The following FGF14 variants were observed in gnomAD, a reference collection of about 807,000 sequenced individuals.
The protein encoded by FGF14 is fibroblast growth factor homologous factor 4.
In FGF14, 5 loss-of-function variants were observed where a neutral mutation model predicts 25.5. The observed-to-expected ratio is 0.20, with a 90% confidence interval of 0.10 to 0.41. The LOEUF is 0.41. Among genes scored for constraint, FGF14 ranks in the 10% least tolerant of loss-of-function variants. The probability of loss-of-function intolerance (pLI) is 1.00; values close to 1 mark genes in which losing one functional copy is unlikely to be tolerated. For synonymous variants in FGF14, 138 were observed against 118.3 expected, an observed-to-expected ratio of 1.17 and a Z score of -1.08; for missense variants, 222 against 320.1, an observed-to-expected ratio of 0.69 and a Z score of 2.34.
chr13:102,353,884 T>A (rs910888482), intron 1 of FGF14, among the ~76,000 whole-genome samples: 4 of 152,222 alleles, frequency 2.6e-5, no homozygotes, highest in African/African-American at 9.6e-5. Context: ...GGAAGCCTAC[T>A]TTGACTTCAT....
chr13:101,885,302 T>G lies in FGF14; in HGVS notation c.194-10006A>C, dbSNP rs1229876528. Among the ~76,000 whole-genome samples the G allele has an allele frequency of 2.6e-5, 4 of 152,270 alleles. No homozygotes were observed. In the East Asian group the frequency reaches 7.7e-4, roughly 29 times the overall value. On this transcript the variant is annotated intron_variant, in intron 1 of 4. Coordinates refer to ENST00000376143, the MANE Select transcript of FGF14 (RefSeq NM_004115.4). ...CAAATATAGTTACATAGTCATAGTGTCCTAATTTAACAAGCAATCCCACTG... is the reference window on the plus strand; with the variant it reads ...CAAATATAGTTACATAGTCATAGTGGCCTAATTTAACAAGCAATCCCACTG...
At chr13:101,724,341 G>A (rs2035214455) in intron 4 of FGF14, among the ~76,000 whole-genome samples, 1 of 148,710 alleles carries the variant, frequency 6.7e-6, no homozygotes, top group African/African-American at 2.5e-5. Context: ...CTATCTCAAG[G>A]ACAAAAAACC....
chr13:102,078,720 C>T (rs1339730676), intron 1 of FGF14, among the ~76,000 whole-genome samples: 1 of 152,144 alleles, frequency 6.6e-6, no homozygotes, highest in Non-Finnish European at 1.5e-5. Context: ...GAGTTAAAAG[C>T]TGGAGGAATG....
intron 1 of FGF14, among the ~76,000 whole-genome samples, chr13:102,334,280 C>T (rs1372858706): frequency 6.6e-6 from 1 of 152,260 alleles, no homozygotes; most frequent in East Asian, 1.9e-4. Context: ...TTAGTCCTAT[C>T]TGATAGACAT....
rs138925522 is a variant in FGF14, at chr13:102,307,232, A to T, written c.208+94239T>A. 9.9e-5 allele frequency among the ~76,000 whole-genome samples: 15 copies of T among 152,278 alleles called. No individual in the cohort carries two copies. The East Asian group carries it at 2.9e-3, about 29-fold the overall frequency. On this transcript the variant is annotated intron_variant, in intron 1 of 4. Coordinates refer to the FGF14 transcript ENST00000376131. ...GACCATATGGAACCTAACTTTTCCAACATCCAAGTGAGCAATAAATGAACT... is the reference window on the plus strand; with the variant it reads ...GACCATATGGAACCTAACTTTTCCATCATCCAAGTGAGCAATAAATGAACT...
intron 1 of FGF14, among the ~76,000 whole-genome samples, chr13:102,333,517 A>G (rs2056696271): frequency 6.6e-6 from 1 of 152,178 alleles, no homozygotes; most frequent in Non-Finnish European, 1.5e-5. Flanking sequence ...AGTCAAAACC[A>G]TGGATGTTAC....
At chr13:102,269,293 C>T (rs762695579) in intron 1 of FGF14, among the ~76,000 whole-genome samples, 3 of 152,130 alleles carry the variant, frequency 2.0e-5, no homozygotes, top group Non-Finnish European at 4.4e-5. Flanking sequence ...CAAAGTTCTT[C>T]GTGTTAACTC....
intron 1 of FGF14, among the ~76,000 whole-genome samples, chr13:102,077,444 A>G (rs1330853123): frequency 6.6e-6 from 1 of 152,204 alleles, no homozygotes; most frequent in Non-Finnish European, 1.5e-5. Flanking sequence ...ATACCTCAGT[A>G]GTAACAAAAG....
intron 3 of FGF14, chr13:101,801,945 G>A: frequency 2.1e-6 from 1 of 473,602 alleles, no homozygotes. Flanking sequence ...GTGCAGATGT[G>A]CAGAGAAGAA....
At chr13:102,090,807 A>G (rs962135910) in intron 1 of FGF14, among the ~76,000 whole-genome samples, 1 of 152,248 alleles carries the variant, frequency 6.6e-6, no homozygotes, top group African/African-American at 2.4e-5. Flanking sequence ...TCAGAATCTA[A>G]CAGCGATGAG....
chr13:102,312,222 C>CA (rs34575465), intron 1 of FGF14, among the ~76,000 whole-genome samples: 2,695 of 96,840 alleles, frequency 0.028, 79 homozygotes, highest in African/African-American at 0.077. Flanking sequence ...AGACCTAAAC[C>CA]AAAAAAAAAA....
At chr13:102,255,340 C>G (rs1431477853) in intron 1 of FGF14, among the ~76,000 whole-genome samples, 1 of 152,014 alleles carries the variant, frequency 6.6e-6, no homozygotes, top group Non-Finnish European at 1.5e-5. Flanking sequence ...AAACATGAAC[C>G]AAAAATTGTT....
intron 1 of FGF14, among the ~76,000 whole-genome samples, chr13:102,195,423 A>G (rs917040419): frequency 3.9e-5 from 6 of 152,166 alleles, no homozygotes; most frequent in Non-Finnish European, 8.8e-5. Flanking sequence ...TATTGATCCA[A>G]ACTAAATTGT....
chr13:101,875,447 A>G, intron 1 of FGF14, 151 bp from the exon 2 acceptor site: 1 of 666,156 alleles, frequency 1.5e-6, no homozygotes, highest in Admixed American at 2.3e-5. Flanking sequence ...GTTTTATCAA[A>G]CCTGCAGTAT....
intron 1 of FGF14, among the ~76,000 whole-genome samples, chr13:101,987,825 G>A (rs2038675620): frequency 6.6e-6 from 1 of 151,932 alleles, no homozygotes; most frequent in Admixed American, 6.6e-5. Context: ...CATCACCTGA[G>A]TCATTGATCA....
intron 1 of FGF14, among the ~76,000 whole-genome samples, chr13:101,935,966 G>A (rs1156685435): frequency 1.3e-5 from 2 of 152,142 alleles, no homozygotes; most frequent in Non-Finnish European, 2.9e-5. Flanking sequence ...TATTTTGGTG[G>A]TTCTATGACA....
intron 1 of FGF14, among the ~76,000 whole-genome samples, chr13:102,374,644 T>TTATATATATATATATA (rs55670716): frequency 2.0e-5 from 1 of 49,372 alleles, no homozygotes; most frequent in African/African-American, 7.6e-5. Context: ...CTTACATATT[T>TTATATATATATATATA]TATATATATA....
intron 1 of FGF14, among the ~76,000 whole-genome samples, chr13:101,970,468 C>T (rs1049685727): frequency 4.6e-5 from 7 of 152,162 alleles, no homozygotes; most frequent in African/African-American, 1.7e-4. Flanking sequence ...TGCTTCCGCT[C>T]AGAAAACAAT....
intron 3 of FGF14, among the ~76,000 whole-genome samples, chr13:101,851,094 C>T (rs1452191807): frequency 6.6e-6 from 1 of 151,978 alleles, no homozygotes; most frequent in Non-Finnish European, 1.5e-5. Flanking sequence ...TACTCAGAGC[C>T]GTGCTTGACA....
Sources: allele counts gnomAD v4.1 joint callset (sites outside exome capture counted in the v4.1 genomes callset), GRCh38; gene constraint gnomAD v4.1.1; transcripts MANE v1.5; gene names NCBI Gene and HGNC (gene_info 2026-07-23, HGNC 2026-07-21).